The following GMDS variants were observed in gnomAD, a reference collection of about 807,000 sequenced individuals.
GMDS encodes GDP-mannose 4,6 dehydratase.
GMDS carries 20 observed loss-of-function variants against 49.9 expected under a neutral mutation model. That is an observed-to-expected ratio of 0.40 (90% confidence interval 0.28 to 0.58). GMDS has a LOEUF of 0.58. Among genes scored for constraint, GMDS ranks in the 20% least tolerant of loss-of-function variants. GMDS has a pLI of 0.42. For synonymous variants in GMDS, 177 were observed against 178.6 expected (o/e 0.99, Z 0.07); for missense variants, 362 against 481.4 (o/e 0.75, Z 2.32).
chr6:2,168,575 T>A (rs1428994683), intron 1 of GMDS, among the ~76,000 whole-genome samples: 1 of 152,240 alleles, frequency 6.6e-6, no homozygotes, highest in African/African-American at 2.4e-5. Flanking sequence ...ACCCTAACTA[T>A]GCTTCCATTT....
chr6:1,786,984 A>G (rs1321655626), intron 7 of GMDS, among the ~76,000 whole-genome samples: 2 of 152,206 alleles, frequency 1.3e-5, no homozygotes, highest in East Asian at 3.8e-4. Context: ...GCGTACCCAC[A>G]GCCAAGGGCC....
intron 7 of GMDS, among the ~76,000 whole-genome samples, chr6:1,820,718 G>A (rs1210704450): frequency 6.6e-6 from 1 of 152,188 alleles, no homozygotes; most frequent in Non-Finnish European, 1.5e-5. Context: ...TTTGAACTGA[G>A]TAAGTTCACT....
chr6:2,076,422 T>C (rs1299552659), intron 4 of GMDS, among the ~76,000 whole-genome samples: 2 of 152,132 alleles, frequency 1.3e-5, no homozygotes, highest in Non-Finnish European at 1.5e-5. Flanking sequence ...TTAAAGTTCA[T>C]ATGGAACCAA....
At chr6:1,692,174 C>T (rs1044139286) in intron 9 of GMDS, among the ~76,000 whole-genome samples, 2 of 152,238 alleles carry the variant, frequency 1.3e-5, no homozygotes, top group African/African-American at 4.8e-5. Flanking sequence ...TGGACTTATA[C>T]TAGTGATTTG....
At chr6:2,200,570 C>A (rs1262036486) in intron 1 of GMDS, among the ~76,000 whole-genome samples, 3 of 141,022 alleles carry the variant, frequency 2.1e-5, no homozygotes, top group Non-Finnish European at 3.1e-5. Flanking sequence ...GAGAGCACCA[C>A]ATGGACATCC....
chr6:2,014,116 C>G (rs1200837101), intron 4 of GMDS, among the ~76,000 whole-genome samples: 1 of 116,618 alleles, frequency 8.6e-6, no homozygotes, highest in Non-Finnish European at 1.8e-5. Context: ...AAAATTATCC[C>G]CCCCCCCCAA....
chr6:1,702,557 T>C (rs1229463988), intron 9 of GMDS, among the ~76,000 whole-genome samples: 1 of 152,054 alleles, frequency 6.6e-6, no homozygotes, highest in East Asian at 1.9e-4. Flanking sequence ...GCTCATTCCA[T>C]AGGGAAGATA....
At chr6:2,231,230 T>C (rs140783097) in intron 1 of GMDS, among the ~76,000 whole-genome samples, 3 of 152,028 alleles carry the variant, frequency 2.0e-5, no homozygotes, top group Non-Finnish European at 4.4e-5. Flanking sequence ...TCTTGACTCC[T>C]AAGTTCTGCT....
chr6:1,729,189 A>G (rs1244325190), intron 8 of GMDS, among the ~76,000 whole-genome samples: 1 of 152,184 alleles, frequency 6.6e-6, no homozygotes, highest in Non-Finnish European at 1.5e-5. Context: ...ATAGACTCAC[A>G]TTTGGGATTT....
chr6:1,656,755 C>T (rs1763895671), intron 9 of GMDS, among the ~76,000 whole-genome samples: 1 of 150,746 alleles, frequency 6.6e-6, no homozygotes, highest in Non-Finnish European at 1.5e-5. Flanking sequence ...CAGAGCGAGA[C>T]TCTGTCTCAA....
At chr6:1,931,680 C>CTA (rs573114041) in intron 6 of GMDS, among the ~76,000 whole-genome samples, 53 of 152,214 alleles carry the variant, frequency 3.5e-4, no homozygotes, top group Non-Finnish European at 6.8e-4. Flanking sequence ...TGATGTTTAT[C>CTA]ATTATTTCAA....
At chr6:1,684,094 C>A (rs1581454841) in intron 9 of GMDS, among the ~76,000 whole-genome samples, 1 of 151,904 alleles carries the variant, frequency 6.6e-6, no homozygotes. Flanking sequence ...CCTCTATCAG[C>A]TATTTTTTTT....
At chr6:1,711,550 A>C (rs1314417274) in intron 9 of GMDS, among the ~76,000 whole-genome samples, 1 of 152,234 alleles carries the variant, frequency 6.6e-6, no homozygotes, top group Non-Finnish European at 1.5e-5. Context: ...CATGGGTGGG[A>C]AATAAATGTA....
intron 6 of GMDS, among the ~76,000 whole-genome samples, chr6:1,940,368 C>A (rs925563821): frequency 1.3e-5 from 2 of 152,184 alleles, no homozygotes; most frequent in Non-Finnish European, 2.9e-5. Flanking sequence ...CATTGGAAAA[C>A]AGAAATCATT....
chr6:2,169,086 G>GA (rs1387080016), intron 1 of GMDS, among the ~76,000 whole-genome samples: 2 of 151,496 alleles, frequency 1.3e-5, no homozygotes, highest in Non-Finnish European at 2.9e-5. Context: ...TTTCCAGAGG[G>GA]AAAAAAAACT....
At chr6:1,725,148 A>C (rs553870770) in intron 9 of GMDS, among the ~76,000 whole-genome samples, 8 of 152,278 alleles carry the variant, frequency 5.3e-5, no homozygotes, top group Non-Finnish European at 1.0e-4. Context: ...TTCAATTTTC[A>C]CAGTTAATGT....
At chr6:2,169,525 T>C (rs763323366) in intron 1 of GMDS, among the ~76,000 whole-genome samples, 6 of 151,128 alleles carry the variant, frequency 4.0e-5, no homozygotes, top group Non-Finnish European at 8.8e-5. Flanking sequence ...GGAGAATCGA[T>C]TGAACCAAGG....
At chr6:1,692,632 C>T (rs547260688) in intron 9 of GMDS, among the ~76,000 whole-genome samples, 3 of 152,256 alleles carry the variant, frequency 2.0e-5, no homozygotes, top group East Asian at 3.9e-4. Flanking sequence ...GTCCCTATTG[C>T]TACGTCTTCA....
chr6:1,982,385 C>T (rs994764727), intron 4 of GMDS, among the ~76,000 whole-genome samples: 1 of 152,128 alleles, frequency 6.6e-6, no homozygotes, highest in Non-Finnish European at 1.5e-5. Context: ...CTGGCCAGGA[C>T]AATCAGGCAA....
Sources: gnomAD v4.1 joint callset for allele counts (sites outside exome capture counted in the v4.1 genomes callset) on GRCh38, gnomAD v4.1.1 for gene constraint, MANE v1.5 for transcripts, NCBI Gene and HGNC (gene_info 2026-07-23, HGNC 2026-07-21) for gene names.